Variants in ADAM2 observed in about 807,000 individuals in gnomAD.
The protein encoded by ADAM2 is disintegrin and metalloproteinase domain-containing protein 2.
Under a neutral mutation model 99.3 loss-of-function variants are expected in ADAM2, and 101 were observed. That is an observed-to-expected ratio of 1.02 (90% CI 0.87 to 1.20). The LOEUF is 1.20. ADAM2 is among the 50% of genes most tolerant of loss of function. The pLI is 0.00. For synonymous variants in ADAM2, 323 were observed against 287.6 expected (o/e 1.12, Z -1.25); for missense variants, 948 against 878.7 (o/e 1.08, Z -1.00).
In ADAM2 at chr8:39,793,606, T is replaced by C. The variant is rs144307397; in HGVS notation, c.571-4866A>G. Among the ~76,000 whole-genome samples the C allele has an allele frequency of 1.1e-4, 17 of 152,234 alleles. 1 individual carries two copies. The highest frequency in any genetic ancestry group is 4.1e-4 in the African/African-American group (17 of 41,562). ...AGGGTCCTTTGGCTCAACTCACTGA[T>C]AAGAACTCAAAGTCTTTTGCATAAG... On this transcript the variant is annotated intron_variant, in intron 7 of 20. Coordinates refer to ENST00000265708, the MANE Select transcript of ADAM2 (RefSeq NM_001464.5).
chr8:39,764,252 AAAAG>A (rs1201288176), intron 14 of ADAM2, among the ~76,000 whole-genome samples: 1 of 152,164 alleles, frequency 6.6e-6, no homozygotes, highest in African/African-American at 2.4e-5. Flanking sequence ...CAAAAAAAGA[AAAAG>A]AAAAAATAGT....
chr8:39,800,075 A>G (rs1305301493), intron 7 of ADAM2, among the ~76,000 whole-genome samples: 1 of 150,814 alleles, frequency 6.6e-6, no homozygotes, highest in Non-Finnish European at 1.5e-5. Context: ...ACATGGTGCT[A>G]TTTGGTTATT....
At position 39,786,956 on chromosome 8, in the gene ADAM2, T is replaced by C; in HGVS notation, c.891+18A>G. 3 of 1,545,662 alleles carry C rather than the reference T, an allele frequency of 1.9e-6. No individual in the cohort carries two copies. The highest frequency in any genetic ancestry group is 1.8e-6 in the Non-Finnish European group (2 of 1,135,446). The stretch of plus-strand genomic sequence containing the variant: ...ACTAATTTATGTAGCATACTTTCTA[T>C]ACATAACCATACCATACCAGAACAA... On this transcript the variant is annotated intron_variant, in intron 10 of 20. Coordinates refer to ENST00000265708, the MANE Select transcript of ADAM2 (RefSeq NM_001464.5).
chr8:39,799,942 T>C (rs952765825), intron 7 of ADAM2, among the ~76,000 whole-genome samples: 1 of 152,236 alleles, frequency 6.6e-6, no homozygotes, highest in East Asian at 1.9e-4. Flanking sequence ...ATGGGTCTCC[T>C]GAGTACAGCA....
chr8:39,746,156 G>C (rs972454982), intron 19 of ADAM2, among the ~76,000 whole-genome samples: 3 of 152,122 alleles, frequency 2.0e-5, no homozygotes, highest in Admixed American at 6.6e-5. Context: ...CTCCTGAGTA[G>C]CTGGGACTAT....
chr8:39,769,304 G>A, intron 12 of ADAM2, 88 bp downstream of exon 12: 1 of 1,037,890 alleles, frequency 9.6e-7, no homozygotes, highest in Non-Finnish European at 1.4e-6. Flanking sequence ...TTAGCTTGAT[G>A]AATTAAGGAA....
chr8:39,749,543 G>A, intron 17 of ADAM2, 93 bp from the exon 18 acceptor site: 1 of 1,476,070 alleles, frequency 6.8e-7, no homozygotes, highest in South Asian at 1.2e-5. Context: ...GTCAGCTAAG[G>A]CCAATTTTCC....
At chr8:39,783,866 C>T (rs979034438) in intron 10 of ADAM2, among the ~76,000 whole-genome samples, 5 of 151,862 alleles carry the variant, frequency 3.3e-5, no homozygotes, top group South Asian at 2.1e-4. Flanking sequence ...GCAGGAGAAT[C>T]GCTTGAACCT....
intron 7 of ADAM2, among the ~76,000 whole-genome samples, chr8:39,793,606 TA>T (rs1277130482): frequency 6.6e-6 from 1 of 152,116 alleles, no homozygotes; most frequent in African/African-American, 2.4e-5. Flanking sequence ...AACTCACTGA[TA>T]AGAACTCAAA....
intron 4 of ADAM2, among the ~76,000 whole-genome samples, chr8:39,823,361 C>T (rs1356194366): frequency 6.6e-6 from 1 of 152,054 alleles, no homozygotes; most frequent in Non-Finnish European, 1.5e-5. Flanking sequence ...TACACCTGTT[C>T]CCAACTGAAT....
intron 7 of ADAM2, among the ~76,000 whole-genome samples, chr8:39,794,916 G>C (rs1247407036): frequency 1.3e-5 from 2 of 152,022 alleles, no homozygotes; most frequent in Non-Finnish European, 2.9e-5. Context: ...AGTCTTTGGA[G>C]TTGTCAGCAT....
intron 3 of ADAM2, among the ~76,000 whole-genome samples, chr8:39,825,325 A>G (rs186356487): frequency 2.6e-4 from 39 of 152,314 alleles, no homozygotes; most frequent in Admixed American, 7.8e-4. Context: ...AATTTGCTCT[A>G]TAGTTTTTGC....
intron 12 of ADAM2, among the ~76,000 whole-genome samples, chr8:39,768,692 C>T (rs1258308900): frequency 6.6e-6 from 1 of 152,050 alleles, no homozygotes; most frequent in African/African-American, 2.4e-5. Context: ...AAATTTTAGG[C>T]TTAAAAACTA....
chr8:39,753,552 T>G (rs1039041403), intron 16 of ADAM2, among the ~76,000 whole-genome samples: 1 of 152,162 alleles, frequency 6.6e-6, no homozygotes, highest in African/African-American at 2.4e-5. Context: ...TATCAGAGAC[T>G]TTCATGGTAG....
rs762932602 is a variant in ADAM2 at position 39,769,560 on chromosome 8, C to T, written c.1044G>A (p.Val348=). 1.2e-6 allele frequency: 2 copies of T among 1,612,894 alleles called. No homozygotes were observed. Among genetic ancestry groups the T allele is most frequent in the Non-Finnish European group, 1.7e-6 (2 of 1,179,052 alleles). ...MNPEAIHFSG[V]KIFSNCSFED... ...CGAAGCTGCAGTTACTAAAGATCTT[C>T]ACACCACTGAAATGACTAAAGACAC... Residue 348 remains valine (V), a synonymous_variant, in exon 12 of 21, where the codon GTG becomes GTA. Transcript: ENST00000265708.
At chr8:39,755,932 A>C (rs779513909) in intron 15 of ADAM2, 21 bp from the exon 16 acceptor site, 4 of 1,267,990 alleles carry the variant, frequency 3.2e-6, no homozygotes, top group Non-Finnish European at 4.4e-6. Context: ...TCCACAAATA[A>C]AAATTATTAA....
At chr8:39,833,873 A>T in intron 3 of ADAM2, 71 bp downstream of exon 3, 1 of 839,482 alleles carries the variant, frequency 1.2e-6, no homozygotes, top group East Asian at 2.5e-5. Context: ...AAATAATTAC[A>T]TTCTGGACAA....
In ADAM2 at chr8:39,808,982, C is replaced by T. The variant is rs138916374; in HGVS notation, c.570+428G>A. On this transcript the variant is annotated intron_variant, in intron 7 of 20. Transcript: ENST00000265708. ...TGATCACTTATTTTACCCAAGTTTACAATATTTATCATTAAAATACTTAAT... is the reference window on the plus strand; with the variant it reads ...TGATCACTTATTTTACCCAAGTTTATAATATTTATCATTAAAATACTTAAT... 2.2e-3 allele frequency among the ~76,000 whole-genome samples: 330 copies of T among 152,164 alleles called. 3 individuals carry two copies. The highest frequency in any genetic ancestry group is 7.6e-3 in the African/African-American group (316 of 41,530).
chr8:39,817,402 T>C (rs971372854), intron 6 of ADAM2, among the ~76,000 whole-genome samples: 2 of 151,724 alleles, frequency 1.3e-5, no homozygotes, highest in Non-Finnish European at 2.9e-5. Context: ...ATAGAAGGAG[T>C]AAGTTCTAGT....
Sources: gnomAD v4.1 joint callset for allele counts (sites outside exome capture counted in the v4.1 genomes callset) on GRCh38, gnomAD v4.1.1 for gene constraint, MANE v1.5 for transcripts, NCBI Gene and HGNC (gene_info 2026-07-23, HGNC 2026-07-21) for gene names.